PELI2: variants seen among roughly 807,000 people sequenced by gnomAD.
The protein encoded by PELI2 is pellino E3 ubiquitin protein ligase family member 2, also known as E3 ubiquitin-protein ligase pellino homolog 2.
PELI2 carries 23 observed loss-of-function variants against 42.3 expected under a neutral mutation model. That is an observed-to-expected ratio of 0.54 (90% CI 0.39 to 0.77). The LOEUF (loss-of-function observed/expected upper bound fraction) is 0.77, where lower values mean the gene tolerates loss of function less well. Ranked by LOEUF, PELI2 falls within the 30% of genes least tolerant of loss-of-function variation. The probability of loss-of-function intolerance (pLI) is 0.00; values close to 1 mark genes in which losing one functional copy is unlikely to be tolerated. For synonymous variants in PELI2, 245 were observed against 212.2 expected (o/e 1.15, Z -1.34); for missense variants, 463 against 553.2 (o/e 0.84, Z 1.64).
chr14:56,199,568 T>C (rs1047005859), intron 2 of PELI2, among the ~76,000 whole-genome samples: 1 of 152,246 alleles, frequency 6.6e-6, no homozygotes, highest in African/African-American at 2.4e-5. Flanking sequence ...TGTTGATTTC[T>C]CAGGGTGTGG....
Position 56,288,354 on chromosome 14 carries a change from A to C in PELI2, c.310-83A>C. On this transcript the variant is annotated intron_variant, in intron 3 of 5. Transcript: ENST00000267460. The surrounding 1 kb of genome is among the most constrained non-coding windows in gnomAD (Gnocchi z 4.6). ...AACAAGGATAGTGAATGTTAAAGGA[A>C]TCCTGAATGCTTTTTCCTTGTGAAT... 1 of 1,000,982 alleles carries C rather than the reference A, an allele frequency of 1.0e-6. No individual in the cohort carries two copies. The highest frequency in any genetic ancestry group is 1.4e-5 in the South Asian group (1 of 69,976). The allele number at this position is 1,000,982 out of a possible 1,614,324, so 62.0% of individuals were successfully genotyped here. A position where few individuals can be genotyped will look rare whatever the true frequency, so the allele number is the denominator to read the frequency against.
At chr14:56,213,203 A>G (rs998131795) in intron 2 of PELI2, among the ~76,000 whole-genome samples, 15 of 152,224 alleles carry the variant, frequency 9.9e-5, no homozygotes, top group African/African-American at 2.7e-4. Flanking sequence ...TCTGGTGGTT[A>G]CCTGGATGGA....
intron 5 of PELI2, 88 bp from the exon 6 acceptor site, chr14:56,296,512 A>G: frequency 1.1e-6 from 1 of 891,136 alleles, no homozygotes; most frequent in Non-Finnish European, 1.7e-6. Flanking sequence ...ATCTTCAAAT[A>G]TTTTTTTGCT....
intron 2 of PELI2, among the ~76,000 whole-genome samples, chr14:56,213,305 G>A (rs577451999): frequency 2.6e-4 from 40 of 152,314 alleles, no homozygotes; most frequent in Non-Finnish European, 4.6e-4. Flanking sequence ...TTTTATTTCT[G>A]TTTTGCCTCT....
chr14:56,173,572 C>G (rs1409075318), intron 1 of PELI2, among the ~76,000 whole-genome samples: 1 of 152,156 alleles, frequency 6.6e-6, no homozygotes, highest in South Asian at 2.1e-4. Context: ...TGTTCATTCT[C>G]TTACAGTTCT....
At chr14:56,231,198 A>G (rs996099837) in intron 2 of PELI2, among the ~76,000 whole-genome samples, 1 of 152,204 alleles carries the variant, frequency 6.6e-6, no homozygotes, top group Non-Finnish European at 1.5e-5. Context: ...AGACAGATCA[A>G]CGAGACAGAA....
intron 2 of PELI2, among the ~76,000 whole-genome samples, chr14:56,269,383 C>T (rs1393812538): frequency 6.6e-6 from 1 of 151,924 alleles, no homozygotes; most frequent in African/African-American, 2.4e-5. Flanking sequence ...ATTGAGGCTG[C>T]AATGAGCTGT....
chr14:56,151,453 T>A (rs1051929655), intron 1 of PELI2, among the ~76,000 whole-genome samples: 1 of 152,234 alleles, frequency 6.6e-6, no homozygotes. Context: ...TTGTAAGTGT[T>A]GCAGATTTCT....
At chr14:56,294,555 C>G (rs571183988) in intron 5 of PELI2, among the ~76,000 whole-genome samples, 1 of 152,304 alleles carries the variant, frequency 6.6e-6, no homozygotes, top group East Asian at 1.9e-4. Flanking sequence ...TCTGGTGCTT[C>G]CCATACCTCT....
intron 1 of PELI2, among the ~76,000 whole-genome samples, chr14:56,153,804 G>A (rs1335954910): frequency 6.6e-6 from 1 of 152,152 alleles, no homozygotes; most frequent in Non-Finnish European, 1.5e-5. Context: ...TTCTTTTCTT[G>A]TGCTAGAGAT....
chr14:56,200,664 C>T lies in PELI2; in HGVS notation c.207+22200C>T, dbSNP rs371586527. On this transcript the variant is annotated intron_variant, in intron 2 of 5. Transcript: ENST00000267460. The stretch of plus-strand genomic sequence containing the variant: ...TTTTTGATTTCTGAAATGCTGATGA[C>T]TGTAAGTGAACAGCCTGTACTTCAG... 1.4e-4 allele frequency among the ~76,000 whole-genome samples: 21 copies of T among 152,322 alleles called. 1 individual carries two copies. The highest frequency in any genetic ancestry group is 8.5e-4 in the Admixed American group (13 of 15,300).
chr14:56,239,026 G>T (rs1887888115), intron 2 of PELI2, among the ~76,000 whole-genome samples: 1 of 152,190 alleles, frequency 6.6e-6, no homozygotes, highest in Admixed American at 6.5e-5. Context: ...CATTGGGTTT[G>T]ATTAGAAGCA....
intron 2 of PELI2, among the ~76,000 whole-genome samples, chr14:56,206,805 A>T (rs1420350045): frequency 6.6e-6 from 1 of 151,958 alleles, no homozygotes; most frequent in Non-Finnish European, 1.5e-5. Context: ...TTAACCTTTG[A>T]TATGGAACTC....
Position 56,298,784 on chromosome 14 carries a change from T to A in PELI2, c.*1618T>A, listed in dbSNP as rs1464555965. On this transcript the variant is annotated 3_prime_UTR_variant, in exon 6 of 6. Coordinates refer to ENST00000267460, the MANE Select transcript of PELI2 (RefSeq NM_021255.3). ...TGTTTAAAGTTCAGCCTCTCAGTTT[T>A]AATATAGCTTTATTTTTCAGTGGAG... 6.6e-6 allele frequency: 1 copy of A among 152,628 alleles called. No individual in the cohort carries two copies. The highest frequency in any genetic ancestry group is 1.9e-4 in the East Asian group (1 of 5,190). The allele number at this position is 152,628 out of a possible 1,614,324, so 9.5% of individuals were successfully genotyped here.
intron 1 of PELI2, among the ~76,000 whole-genome samples, chr14:56,122,382 C>T (rs1191035585): frequency 1.3e-5 from 2 of 152,144 alleles, no homozygotes; most frequent in Non-Finnish European, 2.9e-5. Context: ...TTGATCTGGG[C>T]TGAGCTGGGT....
chr14:56,186,092 A>G (rs1885759632), intron 2 of PELI2, among the ~76,000 whole-genome samples: 1 of 152,138 alleles, frequency 6.6e-6, no homozygotes, highest in South Asian at 2.1e-4. Context: ...CTTAATAGTG[A>G]AAGGGGAATG....
At chr14:56,203,628 C>A (rs1372154725) in intron 2 of PELI2, among the ~76,000 whole-genome samples, 1 of 152,066 alleles carries the variant, frequency 6.6e-6, no homozygotes, top group Non-Finnish European at 1.5e-5. Context: ...GTTTATGAGG[C>A]CATTTATTAG....
chr14:56,255,822 G>A (rs1888508872), intron 2 of PELI2, among the ~76,000 whole-genome samples: 1 of 152,050 alleles, frequency 6.6e-6, no homozygotes, highest in Non-Finnish European at 1.5e-5. Context: ...TCCTTGGCTG[G>A]CACCATCTTG....
chr14:56,267,833 AAT>A (rs1888961803), intron 2 of PELI2, among the ~76,000 whole-genome samples: 1 of 152,136 alleles, frequency 6.6e-6, no homozygotes, highest in Non-Finnish European at 1.5e-5. Context: ...CACTATAACT[AAT>A]CAATAGGATG....
Sources: allele counts gnomAD v4.1 joint callset (sites outside exome capture counted in the v4.1 genomes callset), GRCh38; gene constraint gnomAD v4.1.1; non-coding constraint Gnocchi (gnomAD v3.1); transcripts MANE v1.5; gene names NCBI Gene and HGNC (gene_info 2026-07-23, HGNC 2026-07-21).